Variants in DUSP13B observed in about 807,000 individuals in gnomAD.
DUSP13B encodes dual specificity phosphatase 13B.
the DUSP13B span, among the ~76,000 whole-genome samples, chr10:75,102,200 GGCGCGGTGGCTGAA>G: frequency 6.6e-6 from 1 of 152,190 alleles, no homozygotes; most frequent in Non-Finnish European, 1.5e-5. Context: ...GAAGGGGCCG[GGCGCGGTGGCTGAA>G]GCCTATAATC....
chr10:75,095,815 G>C, the DUSP13B span: 1 of 1,611,596 alleles, frequency 6.2e-7, no homozygotes, highest in Non-Finnish European at 8.5e-7. Flanking sequence ...AGGGCACAAG[G>C]GGTTAGGAGA....
At chr10:75,099,246 G>A in the DUSP13B span, 2 of 1,232,278 alleles carry the variant, frequency 1.6e-6, no homozygotes, top group Non-Finnish European at 2.0e-6. Flanking sequence ...ATACTGGGAA[G>A]AACATCTTTT....
the DUSP13B span, among the ~76,000 whole-genome samples, chr10:75,106,870 C>T: frequency 6.6e-6 from 1 of 152,200 alleles, no homozygotes; most frequent in Non-Finnish European, 1.5e-5. Context: ...TCTTGTCATT[C>T]CTGTCACATA....
chr10:75,096,419 A>G, the DUSP13B span, among the ~76,000 whole-genome samples: 1 of 151,966 alleles, frequency 6.6e-6, no homozygotes, highest in African/African-American at 2.4e-5. Flanking sequence ...TCTACAAACA[A>G]TGCAAAAATT....
At chr10:75,101,212 C>T in the DUSP13B span, among the ~76,000 whole-genome samples, 3 of 152,162 alleles carry the variant, frequency 2.0e-5, no homozygotes, top group African/African-American at 7.2e-5. Flanking sequence ...CTGGTACTTG[C>T]AGCTATGTGG....
chr10:75,095,881 C>T, the DUSP13B span: 1 of 1,242,838 alleles, frequency 8.0e-7, no homozygotes, highest in Non-Finnish European at 1.2e-6. Flanking sequence ...GCAAACACCC[C>T]CGCCCACCAC....
At chr10:75,095,747 G>T in the DUSP13B span, 1 of 1,614,234 alleles carries the variant, frequency 6.2e-7, no homozygotes, top group African/African-American at 1.3e-5. Context: ...CATTCACAAC[G>T]TGGGTGATTC....
the DUSP13B span, chr10:75,099,129 C>T: frequency 8.1e-7 from 1 of 1,232,278 alleles, no homozygotes; most frequent in East Asian, 3.2e-5. Flanking sequence ...CCCTGCGGAG[C>T]TGGATTTTCA....
chr10:75,094,672 C>T, the DUSP13B span: 2 of 1,613,098 alleles, frequency 1.2e-6, no homozygotes, highest in Admixed American at 1.7e-5. Context: ...GGCTGCCTGC[C>T]AGATCAGAAC....
the DUSP13B span, among the ~76,000 whole-genome samples, chr10:75,101,028 A>G: frequency 1.3e-5 from 2 of 152,252 alleles, no homozygotes; most frequent in Non-Finnish European, 2.9e-5. Context: ...GAGGCCAGAC[A>G]GAAGTGTGGC....
chr10:75,109,111 G>C, the DUSP13B span: 1 of 1,611,548 alleles, frequency 6.2e-7, no homozygotes, highest in Non-Finnish European at 8.5e-7. Flanking sequence ...GGGGCAAGGC[G>C]TGGCTTTGTC....
chr10:75,106,101 CT>C, the DUSP13B span, among the ~76,000 whole-genome samples: 26,146 of 122,934 alleles, frequency 0.21, 2,737 homozygotes, highest in African/African-American at 0.32. Flanking sequence ...TCTTTCTTTT[CT>C]TTTTTTTTTT....
At chr10:75,103,857 G>A in the DUSP13B span, 3 of 1,278,562 alleles carry the variant, frequency 2.3e-6, no homozygotes, top group South Asian at 2.5e-5. Context: ...TGGCCAAGAA[G>A]CCTGAGGGCT....
At chr10:75,098,559 C>T in the DUSP13B span, among the ~76,000 whole-genome samples, 2 of 152,188 alleles carry the variant, frequency 1.3e-5, no homozygotes, top group South Asian at 2.1e-4. Flanking sequence ...GTCAGGAGTT[C>T]GAGACCAGCC....
the DUSP13B span, among the ~76,000 whole-genome samples, chr10:75,100,448 C>G: frequency 6.6e-6 from 1 of 152,212 alleles, no homozygotes; most frequent in Non-Finnish European, 1.5e-5. Context: ...CTTTAAGCCC[C>G]AGTCCCTCCC....
the DUSP13B span, chr10:75,101,763 C>CA: frequency 5.4e-5 from 42 of 773,622 alleles, no homozygotes; most frequent in South Asian, 1.4e-4. Flanking sequence ...CTACCCAACC[C>CA]AAACCCCACC....
chr10:75,103,612 T>C, the DUSP13B span, among the ~76,000 whole-genome samples: 1 of 152,220 alleles, frequency 6.6e-6, no homozygotes, highest in Non-Finnish European at 1.5e-5. Flanking sequence ...ACCTTGATAC[T>C]ACTCCCCGCT....
At chr10:75,099,478 A>T in the DUSP13B span, 1 of 1,232,194 alleles carries the variant, frequency 8.1e-7, no homozygotes. Flanking sequence ...CAGGGGCAGG[A>T]CTCTGCCTGA....
the DUSP13B span, among the ~76,000 whole-genome samples, chr10:75,102,531 G>A: frequency 2.0e-5 from 3 of 152,252 alleles, no homozygotes; most frequent in African/African-American, 7.2e-5. Flanking sequence ...CCCTTGGCCG[G>A]ATGCAGTGGC....
Sources: gnomAD v4.1 joint callset for allele counts (sites outside exome capture counted in the v4.1 genomes callset) on GRCh38, gnomAD v4.1.1 for gene constraint, MANE v1.5 for transcripts, NCBI Gene and HGNC (gene_info 2026-07-23, HGNC 2026-07-21) for gene names.